Variants in EBF2 observed in about 807,000 individuals in gnomAD.
EBF2 encodes transcription factor COE2.
In EBF2, 21 loss-of-function variants were observed where a neutral mutation model predicts 72.8. The observed-to-expected ratio is 0.29, with a 90% CI of 0.20 to 0.42. The LOEUF (loss-of-function observed/expected upper bound fraction) is 0.42, where lower values mean the gene tolerates loss of function less well. Ranked by LOEUF, EBF2 falls within the 10% of genes least tolerant of loss-of-function variation. The pLI is 1.00. For missense variants in EBF2, 637 were observed against 731.2 expected, an observed-to-expected ratio of 0.87 and a Z score of 1.49; for synonymous variants, 299 against 274.2, an observed-to-expected ratio of 1.09 and a Z score of -0.89.
chr8:25,969,457 C>T (rs1045111889), intron 6 of EBF2, among the ~76,000 whole-genome samples: 1 of 152,202 alleles, frequency 6.6e-6, no homozygotes, highest in Non-Finnish European at 1.5e-5. Context: ...CCTGCTGACG[C>T]TTCTGAGTTC....
At chr8:25,869,563 A>G in intron 10 of EBF2, among the ~76,000 whole-genome samples, 1 of 151,970 alleles carries the variant, frequency 6.6e-6, no homozygotes. Context: ...GTATCCTCTA[A>G]TATATTTTGG....
At chr8:26,005,110 T>A (rs1362383028) in intron 6 of EBF2, among the ~76,000 whole-genome samples, 1 of 146,192 alleles carries the variant, frequency 6.8e-6, no homozygotes, top group East Asian at 2.0e-4. Flanking sequence ...AGTGCAGAAT[T>A]TTCTCTTGTC....
chr8:25,955,485 A>C (rs1803931056), intron 6 of EBF2, among the ~76,000 whole-genome samples: 1 of 152,164 alleles, frequency 6.6e-6, no homozygotes, highest in Non-Finnish European at 1.5e-5. Context: ...AACCTAATAG[A>C]GATTTTACCA....
At chr8:26,007,771 G>A (rs560842856) in intron 6 of EBF2, among the ~76,000 whole-genome samples, 130 of 151,582 alleles carry the variant, frequency 8.6e-4, no homozygotes, top group Admixed American at 3.9e-3. Flanking sequence ...TCACTTTCCC[G>A]TACACTTGCA....
At chr8:25,884,470 A>T (rs1802657344) in intron 10 of EBF2, among the ~76,000 whole-genome samples, 2 of 152,272 alleles carry the variant, frequency 1.3e-5, no homozygotes, top group South Asian at 4.1e-4. Flanking sequence ...TCCCCTCTTC[A>T]GAGAGGCCTC....
chr8:26,035,441 T>A (rs1805485292), intron 5 of EBF2, among the ~76,000 whole-genome samples: 2 of 152,166 alleles, frequency 1.3e-5, no homozygotes, highest in African/African-American at 2.4e-5. Flanking sequence ...TATGCCACCA[T>A]GCCAAGCCCC....
At chr8:25,893,951 G>A (rs1428118856) in intron 7 of EBF2, among the ~76,000 whole-genome samples, 6 of 152,176 alleles carry the variant, frequency 3.9e-5, no homozygotes, top group Non-Finnish European at 8.8e-5. Context: ...CCTGAATTAT[G>A]TCAGTGTCCA....
At chr8:25,879,144 T>C (rs1005935511) in intron 10 of EBF2, among the ~76,000 whole-genome samples, 1 of 152,202 alleles carries the variant, frequency 6.6e-6, no homozygotes, top group Non-Finnish European at 1.5e-5. Context: ...GTAAAACTAC[T>C]CATTTTTCAT....
chr8:26,033,867 G>A (rs1263811407), intron 5 of EBF2, among the ~76,000 whole-genome samples: 1 of 152,186 alleles, frequency 6.6e-6, no homozygotes, highest in Non-Finnish European at 1.5e-5. Flanking sequence ...CACTGAACCT[G>A]AAGCCAAAAT....
chr8:25,899,402 G>C (rs565485200), intron 7 of EBF2, among the ~76,000 whole-genome samples: 1 of 152,216 alleles, frequency 6.6e-6, no homozygotes, highest in African/African-American at 2.4e-5. Flanking sequence ...TAGCACTCCG[G>C]ATTTCAAATG....
At chr8:25,984,580 G>A (rs540853279) in intron 6 of EBF2, among the ~76,000 whole-genome samples, 1 of 152,054 alleles carries the variant, frequency 6.6e-6, no homozygotes. Context: ...GACTCGGGAG[G>A]CTGAGACAGG....
At chr8:25,889,970 G>A (rs986277374) in intron 7 of EBF2, 101 bp from the exon 8 acceptor site, 1 of 938,500 alleles carries the variant, frequency 1.1e-6, no homozygotes, top group South Asian at 1.3e-5. Context: ...CTTCCATTTG[G>A]CAAAGGGGAG....
chr8:26,038,386 C>A (rs1305354115), intron 5 of EBF2, among the ~76,000 whole-genome samples: 1 of 152,080 alleles, frequency 6.6e-6, no homozygotes, highest in Non-Finnish European at 1.5e-5. Context: ...GATGCTGCTA[C>A]TTAAACAGCA....
chr8:25,898,237 G>A (rs1326807626), intron 7 of EBF2, among the ~76,000 whole-genome samples: 1 of 152,150 alleles, frequency 6.6e-6, no homozygotes, highest in African/African-American at 2.4e-5. Flanking sequence ...TCAAGAAAGT[G>A]AGATTTAAGA....
In EBF2 at chr8:25,893,380, A is replaced by C. The variant is rs188730179; in HGVS notation, c.634-3511T>G. ...CAGCTTACCACAACCTCTGCCTCCC[A>C]GGTTCAAGCGATTCTCCTGCCTCAG... On this transcript the variant is annotated intron_variant, in intron 7 of 15. Transcript: ENST00000520164. Among the ~76,000 whole-genome samples the C allele has an allele frequency of 2.0e-3, 286 of 145,050 alleles. 2 individuals carry two copies. Among genetic ancestry groups the C allele is most frequent in the African/African-American group, 7.1e-3 (272 of 38,190 alleles).
At chr8:25,920,721 C>T (rs1803293829) in intron 6 of EBF2, among the ~76,000 whole-genome samples, 1 of 151,330 alleles carries the variant, frequency 6.6e-6, no homozygotes, top group Non-Finnish European at 1.5e-5. Flanking sequence ...TTTTTTTTCA[C>T]CTAATATACA....
intron 6 of EBF2, among the ~76,000 whole-genome samples, chr8:25,942,101 TC>T (rs1225266778): frequency 8.6e-5 from 13 of 152,018 alleles, no homozygotes; most frequent in African/African-American, 2.2e-4. Context: ...ATGTACTGAG[TC>T]CCTAGACAGA....
At chr8:25,972,492 G>A (rs755912107) in intron 6 of EBF2, among the ~76,000 whole-genome samples, 12 of 152,134 alleles carry the variant, frequency 7.9e-5, no homozygotes, top group Admixed American at 1.3e-4. Flanking sequence ...GATGGGCAGC[G>A]TAGGATTACT....
chr8:25,978,207 C>G (rs1029801681), intron 6 of EBF2, among the ~76,000 whole-genome samples: 1 of 152,194 alleles, frequency 6.6e-6, no homozygotes, highest in African/African-American at 2.4e-5. Context: ...ACGCAAACCC[C>G]AGATTCAAAA....
Sources: gnomAD v4.1 joint callset for allele counts (sites outside exome capture counted in the v4.1 genomes callset) on GRCh38, gnomAD v4.1.1 for gene constraint, MANE v1.5 for transcripts, NCBI Gene and HGNC (gene_info 2026-07-23, HGNC 2026-07-21) for gene names.